KCTD1: variants seen among roughly 807,000 people sequenced by gnomAD.
KCTD1 encodes potassium channel tetramerization domain containing 1, also known as BTB/POZ domain-containing protein KCTD1.
Under a neutral mutation model 66.0 loss-of-function variants are expected in KCTD1, and 24 were observed. That is an observed-to-expected ratio of 0.36 (90% CI 0.26 to 0.51). The LOEUF is 0.51. Among genes scored for constraint, KCTD1 ranks in the 20% least tolerant of loss-of-function variants. The pLI, the probability that KCTD1 is intolerant of heterozygous loss-of-function variation, is 0.95. For synonymous variants in KCTD1, 511 were observed against 517.2 expected, an observed-to-expected ratio of 0.99 and a Z score of 0.16; for missense variants, 943 against 1,205.2, an observed-to-expected ratio of 0.78 and a Z score of 3.22.
chr18:26,547,394 C>G lies in KCTD1; in HGVS notation c.1143G>C (p.Thr381=). 6.4e-7 allele frequency: 1 copy of G among 1,551,322 alleles called. No individual in the cohort carries two copies. The highest frequency in any genetic ancestry group is 8.7e-7 in the Non-Finnish European group (1 of 1,146,752). The change falls in exon 1 of 5, where the codon ACG becomes ACC. Residue 381 remains threonine, a synonymous_variant. Transcript: ENST00000580059. ...DEENLPRMYE[T]GTEFCPYASF... is the part of the protein sequence containing the mutation. ...TGGCGTAGGGGCAGAACTCGGTGCC[C>G]GTCTCATACATGCGGGGCAAGTTCT...
intron 1 of KCTD1, among the ~76,000 whole-genome samples, chr18:26,651,892 G>A (rs894815876): frequency 9.9e-5 from 15 of 152,026 alleles, no homozygotes; most frequent in South Asian, 2.1e-4. Flanking sequence ...AGTGGACACC[G>A]AGGTTTCGGG....
chr18:26,601,862 C>T (rs1180676587), intron 1 of KCTD1, among the ~76,000 whole-genome samples: 4 of 152,052 alleles, frequency 2.6e-5, no homozygotes, highest in African/African-American at 4.8e-5. Flanking sequence ...TGCAACCTTG[C>T]AGAACTTGTT....
chr18:26,497,353 G>A (rs1363887448), intron 2 of KCTD1, among the ~76,000 whole-genome samples: 1 of 152,092 alleles, frequency 6.6e-6, no homozygotes, highest in Admixed American at 6.5e-5. Flanking sequence ...GTGGGGCAGA[G>A]AATGGTCCCA....
chr18:26,592,602 T>C, intron 1 of KCTD1, among the ~76,000 whole-genome samples: 1 of 152,232 alleles, frequency 6.6e-6, no homozygotes, highest in East Asian at 1.9e-4. Flanking sequence ...GAGCCCTATA[T>C]GTTCTTGCCC....
chr18:26,533,322 T>C (rs968544713), intron 1 of KCTD1, among the ~76,000 whole-genome samples: 1 of 152,244 alleles, frequency 6.6e-6, no homozygotes, highest in Non-Finnish European at 1.5e-5. Flanking sequence ...TGTGAATTAT[T>C]TGATGGTTTT....
intron 1 of KCTD1, among the ~76,000 whole-genome samples, chr18:26,648,562 G>A (rs1191651745): frequency 6.6e-6 from 1 of 152,200 alleles, no homozygotes; most frequent in Non-Finnish European, 1.5e-5. Context: ...AGTGGGCACA[G>A]AGTAAATATT....
intron 1 of KCTD1, among the ~76,000 whole-genome samples, chr18:26,648,549 C>T (rs561237654): frequency 6.6e-6 from 1 of 152,266 alleles, no homozygotes; most frequent in East Asian, 1.9e-4. Flanking sequence ...GTGTTTCCTA[C>T]TGAGTGGGCA....
chr18:26,533,024 C>T (rs958549245), intron 1 of KCTD1, among the ~76,000 whole-genome samples: 1 of 152,178 alleles, frequency 6.6e-6, no homozygotes, highest in Non-Finnish European at 1.5e-5. Context: ...TTGCCATTGA[C>T]CACCTCCTTC....
At chr18:26,606,926 T>A (rs1471235793) in intron 1 of KCTD1, among the ~76,000 whole-genome samples, 1 of 152,286 alleles carries the variant, frequency 6.6e-6, no homozygotes, top group East Asian at 1.9e-4. Context: ...ATTTCTTTTT[T>A]TCAGCTTAGT....
intron 1 of KCTD1, among the ~76,000 whole-genome samples, chr18:26,590,058 C>G (rs1048946817): frequency 2.0e-5 from 3 of 152,128 alleles, no homozygotes; most frequent in Admixed American, 2.0e-4. Flanking sequence ...CTCTGTACTT[C>G]ATAAGTGAAT....
intron 1 of KCTD1, among the ~76,000 whole-genome samples, chr18:26,647,332 C>CCT (rs760083029): frequency 1.2e-3 from 4 of 3,316 alleles, no homozygotes; most frequent in East Asian, 0.05. Flanking sequence ...GATAGTGAAA[C>CCT]CCCCCCCCCA....
chr18:26,558,342 G>A (rs559489005), intron 1 of KCTD1, among the ~76,000 whole-genome samples: 1 of 152,314 alleles, frequency 6.6e-6, no homozygotes, highest in South Asian at 2.1e-4. Context: ...GGGAATGCTT[G>A]TATGCTGTTG....
At chr18:26,549,150 G>A, upstream of KCTD1, 3 of 985,070 alleles carry the variant, frequency 3.0e-6, no homozygotes, top group Non-Finnish European at 3.6e-6. Flanking sequence ...GGCACGGCGA[G>A]GCCCCGCACC....
At chr18:26,523,048 AT>A (rs1192036028) in intron 1 of KCTD1, among the ~76,000 whole-genome samples, 13 of 152,094 alleles carry the variant, frequency 8.5e-5, no homozygotes, top group African/African-American at 2.7e-4. Context: ...ATAGAGATAT[AT>A]TTTTTTAAAG....
chr18:26,599,629 C>T, intron 1 of KCTD1: 1 of 1,473,664 alleles, frequency 6.8e-7, no homozygotes, highest in South Asian at 1.1e-5. Flanking sequence ...CCACTCTGCA[C>T]AGTGCTGAGA....
At chr18:26,482,630 C>T (rs1981707459) in intron 2 of KCTD1, among the ~76,000 whole-genome samples, 3 of 152,194 alleles carry the variant, frequency 2.0e-5, no homozygotes, top group Admixed American at 6.5e-5. Context: ...TCTGTACCCC[C>T]CACCCTTCCC....
chr18:26,608,446 C>T (rs1426626904), intron 1 of KCTD1, among the ~76,000 whole-genome samples: 4 of 152,154 alleles, frequency 2.6e-5, no homozygotes, highest in Admixed American at 6.5e-5. Context: ...ATGGCTCAAG[C>T]ATCAGTTCTT....
chr18:26,523,107 C>T (rs552549044), intron 1 of KCTD1, among the ~76,000 whole-genome samples: 1 of 152,014 alleles, frequency 6.6e-6, no homozygotes, highest in Non-Finnish European at 1.5e-5. Flanking sequence ...TGTAGATTTG[C>T]GTTTCCCAAA....
At chr18:26,639,022 G>A (rs1477538945) in intron 1 of KCTD1, among the ~76,000 whole-genome samples, 1 of 152,100 alleles carries the variant, frequency 6.6e-6, no homozygotes, top group African/African-American at 2.4e-5. Context: ...CGGGACTGCG[G>A]CCCAGCCTGG....
Sources: gnomAD v4.1 joint callset for allele counts (sites outside exome capture counted in the v4.1 genomes callset) on GRCh38, gnomAD v4.1.1 for gene constraint, MANE v1.5 for transcripts, NCBI Gene and HGNC (gene_info 2026-07-23, HGNC 2026-07-21) for gene names.